SLC5A10: variants seen among roughly 807,000 people sequenced by gnomAD.
SLC5A10 encodes the protein solute carrier family 5 member 10, also known as sodium/mannose cotransporter SLC5A10.
Under a neutral mutation model 68.9 loss-of-function variants are expected in SLC5A10, and 55 were observed. That is an observed-to-expected ratio of 0.80 (90% CI 0.64 to 1.00). The LOEUF is 1.00. SLC5A10 is among the 50% of genes least tolerant of loss of function. SLC5A10 has a pLI of 0.00. For synonymous variants in SLC5A10, 344 were observed against 344.8 expected, an observed-to-expected ratio of 1.00 and a Z score of 0.02; for missense variants, 732 against 819.3, an observed-to-expected ratio of 0.89 and a Z score of 1.30.
chr17:18,986,904 C>T (rs2043283427), intron 9 of SLC5A10, among the ~76,000 whole-genome samples: 1 of 152,252 alleles, frequency 6.6e-6, no homozygotes, highest in African/African-American at 2.4e-5. Flanking sequence ...CATGAGCTAT[C>T]TGCCACTGGA....
At chr17:18,994,181 G>A (rs2043503932) in intron 9 of SLC5A10, among the ~76,000 whole-genome samples, 1 of 152,186 alleles carries the variant, frequency 6.6e-6, no homozygotes. Flanking sequence ...AACAGAGACG[G>A]AATTCACCCC....
rs962475850 is a variant in SLC5A10, at chr17:18,959,612, C to T, written c.297C>T (p.Tyr99=). The T allele has an allele frequency of 1.2e-6, 2 of 1,613,960 alleles. No individual in the cohort carries two copies. Among genetic ancestry groups the T allele is most frequent in the South Asian group, 1.1e-5 (1 of 91,092 alleles). ...AVAGFEWNAT[Y]VLLALAWVFV... ...TGTCTCTGTCCCCATAGGCCACGTA[C>T]GTGCTGCTGGCACTGGCATGGGTGT... The change falls in exon 4 of 15, where the codon TAC becomes TAT. Residue 99 remains tyrosine (Y), a synonymous_variant. Coordinates refer to ENST00000395645, the MANE Select transcript of SLC5A10 (RefSeq NM_001042450.4).
At position 19,008,550 on chromosome 17, in the gene SLC5A10, C is replaced by T. The variant is rs188974369; in HGVS notation, c.983-4860C>T. Reference sequence around the variant, plus strand: ...GGTCTTGCACTGTTGCCCAGGCTGGCGTGCAGTGTCACGATCTCAGCTCAC... The same window carrying T: ...GGTCTTGCACTGTTGCCCAGGCTGGTGTGCAGTGTCACGATCTCAGCTCAC... On this transcript the variant is annotated intron_variant, in intron 9 of 14. Transcript: ENST00000395645. Among the ~76,000 whole-genome samples the T allele has an allele frequency of 3.1e-4, 46 of 149,266 alleles. 1 individual carries two copies. The highest frequency in any genetic ancestry group is 1.1e-3 in the African/African-American group (43 of 40,292).
chr17:18,984,773 G>A (rs1006362702), intron 9 of SLC5A10, among the ~76,000 whole-genome samples: 1 of 152,198 alleles, frequency 6.6e-6, no homozygotes, highest in Non-Finnish European at 1.5e-5. Context: ...CAAGTCATGC[G>A]GCCTGGCCCT....
At chr17:18,995,507 T>C (rs1376883707) in intron 9 of SLC5A10, among the ~76,000 whole-genome samples, 1 of 152,104 alleles carries the variant, frequency 6.6e-6, no homozygotes, top group Admixed American at 6.5e-5. Flanking sequence ...ATCCAATATA[T>C]GTGTAATTGC....
At chr17:18,994,100 A>C (rs901813993) in intron 9 of SLC5A10, among the ~76,000 whole-genome samples, 1 of 152,190 alleles carries the variant, frequency 6.6e-6, no homozygotes, top group South Asian at 2.1e-4. Flanking sequence ...AATGCTGCAG[A>C]CTGTCTTAAA....
At chr17:18,950,708 TTTG>T (rs996042627), upstream of SLC5A10, 56 of 985,192 alleles carry the variant, frequency 5.7e-5, no homozygotes, top group East Asian at 2.4e-3. Context: ...TTAATTGTTT[TTTG>T]TTGTTGTTGT....
intron 9 of SLC5A10, among the ~76,000 whole-genome samples, chr17:18,993,397 T>C (rs1380412275): frequency 1.3e-5 from 2 of 152,188 alleles, no homozygotes; most frequent in Non-Finnish European, 2.9e-5. Flanking sequence ...GGCACAGCAA[T>C]GGAGTCTCCC....
intron 8 of SLC5A10, among the ~76,000 whole-genome samples, chr17:18,973,021 C>G (rs543250678): frequency 2.0e-5 from 3 of 152,250 alleles, no homozygotes; most frequent in African/African-American, 7.2e-5. Context: ...ATCCGCCATG[C>G]CTCATGGGAG....
At chr17:18,984,158 C>T (rs572980148) in intron 9 of SLC5A10, among the ~76,000 whole-genome samples, 65 of 151,982 alleles carry the variant, frequency 4.3e-4, no homozygotes, top group African/African-American at 1.4e-3. Context: ...CTGGCTAACA[C>T]GGTGAAACCC....
At chr17:19,010,713 G>A (rs2043996111) in intron 9 of SLC5A10, among the ~76,000 whole-genome samples, 1 of 152,184 alleles carries the variant, frequency 6.6e-6, no homozygotes, top group Admixed American at 6.5e-5. Context: ...TCCTCCGAGT[G>A]CCAGTCAGCC....
chr17:19,008,959 G>A (rs920864149), intron 9 of SLC5A10, among the ~76,000 whole-genome samples: 2 of 151,766 alleles, frequency 1.3e-5, no homozygotes, highest in South Asian at 2.1e-4. Context: ...CTACAGGTGC[G>A]TGCCACTGCA....
chr17:18,978,160 G>A, intron 9 of SLC5A10: 1 of 1,532,116 alleles, frequency 6.5e-7, no homozygotes, highest in African/African-American at 1.4e-5. Context: ...TGGGCACGGG[G>A]GGCAATGGCT....
chr17:19,019,298 G>T, intron 11 of SLC5A10, 125 bp from the exon 12 acceptor site: 1 of 1,222,934 alleles, frequency 8.2e-7, no homozygotes, highest in Non-Finnish European at 1.1e-6. Flanking sequence ...CCAGAGTCCA[G>T]GGAGGAGGCT....
At chr17:18,982,911 C>G (rs1052931260) in intron 9 of SLC5A10, among the ~76,000 whole-genome samples, 2 of 152,250 alleles carry the variant, frequency 1.3e-5, no homozygotes, top group African/African-American at 4.8e-5. Context: ...AGGGTCTACT[C>G]ATCCTTGTGC....
intron 9 of SLC5A10, among the ~76,000 whole-genome samples, chr17:18,994,190 C>T (rs191625748): frequency 9.8e-5 from 15 of 152,322 alleles, no homozygotes; most frequent in Admixed American, 4.6e-4. Flanking sequence ...GGAATTCACC[C>T]CCTGCCTTAG....
chr17:18,959,054 G>T, intron 2 of SLC5A10, 81 bp from the exon 3 acceptor site: 1 of 1,378,912 alleles, frequency 7.3e-7, no homozygotes, highest in Admixed American at 2.1e-5. Flanking sequence ...GGTTTGTGAG[G>T]ATGAGGGAGA....
chr17:18,992,822 C>T (rs1042855158), intron 9 of SLC5A10, among the ~76,000 whole-genome samples: 1 of 152,056 alleles, frequency 6.6e-6, no homozygotes, highest in African/African-American at 2.4e-5. Flanking sequence ...CCTGTCTGGG[C>T]GGCTAACACA....
chr17:18,984,762 C>A (rs1433268859), intron 9 of SLC5A10, among the ~76,000 whole-genome samples: 3 of 152,218 alleles, frequency 2.0e-5, no homozygotes, highest in Non-Finnish European at 4.4e-5. Flanking sequence ...CCAAAAGCAG[C>A]CAAGTCATGC....
Sources: allele counts gnomAD v4.1 joint callset (sites outside exome capture counted in the v4.1 genomes callset), GRCh38; gene constraint gnomAD v4.1.1; transcripts MANE v1.5; gene names NCBI Gene and HGNC (gene_info 2026-07-23, HGNC 2026-07-21).